Variants in PRMT9 observed in about 807,000 individuals in gnomAD.
The protein encoded by PRMT9 is protein arginine methyltransferase 9, also known as protein arginine N-methyltransferase 9.
Under a neutral mutation model 83.2 loss-of-function variants are expected in PRMT9, and 59 were observed. The ratio of observed to expected loss-of-function variants is 0.71; its 90% CI spans 0.57 to 0.88. The LOEUF (loss-of-function observed/expected upper bound fraction) is 0.88. PRMT9 is among the 40% of genes least tolerant of loss of function. PRMT9 has a pLI of 0.00. For missense variants in PRMT9, 947 were observed against 1,021.9 expected, an observed-to-expected ratio of 0.93 and a Z score of 1.00; for synonymous variants, 333 against 353.2, an observed-to-expected ratio of 0.94 and a Z score of 0.64.
Position 147,673,802 on chromosome 4 carries a change from T to C in PRMT9, c.411A>G (p.Ala137=), listed in dbSNP as rs759936454. The change falls in exon 3 of 12, where the codon GCA becomes GCG. Residue 137 remains alanine, a synonymous_variant. Transcript: ENST00000322396. Reference sequence around the variant, plus strand: ...TTGCAACACGATAAAAATTCTCCTTTGCATCACTGAAATCAGGGTTTAGCT... The same window carrying C: ...TTGCAACACGATAAAAATTCTCCTTCGCATCACTGAAATCAGGGTTTAGCT... ...AVKLNPDFSD[A]KENFYRVANW... is the part of the protein sequence containing the mutation. 5.6e-6 allele frequency: 9 copies of C among 1,614,082 alleles called. No individual in the cohort carries two copies. The highest frequency in any genetic ancestry group is 1.3e-5 in the African/African-American group (1 of 74,936).
At chr4:147,644,634 C>T (rs904098365) in intron 9 of PRMT9, among the ~76,000 whole-genome samples, 4 of 151,642 alleles carry the variant, frequency 2.6e-5, no homozygotes, top group Admixed American at 2.6e-4. Context: ...TGACGGGAAC[C>T]CATACCACAT....
chr4:147,655,699 T>C (rs915047770), intron 8 of PRMT9, among the ~76,000 whole-genome samples: 29 of 152,060 alleles, frequency 1.9e-4, no homozygotes, highest in African/African-American at 6.3e-4. Flanking sequence ...CTCACCATCA[T>C]GCCTGAATTT....
At position 147,660,946 on chromosome 4, in the gene PRMT9, A is replaced by G; in HGVS notation, c.1046T>C (p.Ile349Thr). The G allele has an allele frequency of 6.2e-7, 1 of 1,612,920 alleles. No individual in the cohort carries two copies. The highest frequency in any genetic ancestry group is 1.1e-5 in the South Asian group (1 of 91,060). The change falls in exon 7 of 12, where the codon ATT (isoleucine) becomes ACT (threonine). Residue 349 changes from isoleucine (I) to threonine (T), a missense_variant. Physicochemically the swap from Ile to Thr is moderately conservative, Grantham distance 89 (BLOSUM62 -1). Coordinates refer to ENST00000322396, the MANE Select transcript of PRMT9 (RefSeq NM_138364.4). ...AYSSVDTEETIEPYTTEKMSR... is the reference protein window; with the variant it reads ...AYSSVDTEETTEPYTTEKMSR... ...CATCTTTTCAGTTGTATAAGGTTCAATTGTTTCTTCAGTATCTACAGAAGA... is the reference window on the plus strand; with the variant it reads ...CATCTTTTCAGTTGTATAAGGTTCAGTTGTTTCTTCAGTATCTACAGAAGA...
intron 9 of PRMT9, among the ~76,000 whole-genome samples, chr4:147,651,404 A>T (rs951102317): frequency 6.6e-6 from 1 of 152,220 alleles, no homozygotes; most frequent in South Asian, 2.1e-4. Flanking sequence ...TCAAATTTTA[A>T]AACTTTTGCA....
rs114979197 is a variant in PRMT9 at position 147,666,074 on chromosome 4, C to T, written c.953+2465G>A. The stretch of plus-strand genomic sequence containing the variant: ...AACAGTGTATAAATTTTCCATAAAC[C>T]TATGAGAAAATAAGATATCAAACAA... On this transcript the variant is annotated intron_variant, in intron 6 of 11. Coordinates refer to ENST00000322396, the MANE Select transcript of PRMT9 (RefSeq NM_138364.4). 8.6e-3 allele frequency among the ~76,000 whole-genome samples: 1,307 copies of T among 152,248 alleles called. 20 individuals carry two copies. Among genetic ancestry groups the T allele is most frequent in the African/African-American group, 0.03 (1,247 of 41,548 alleles).
intron 7 of PRMT9, among the ~76,000 whole-genome samples, chr4:147,660,008 C>T (rs1463083653): frequency 6.6e-6 from 1 of 152,192 alleles, no homozygotes. Flanking sequence ...TTGGAACCCC[C>T]TTCAGTCCTG....
At chr4:147,668,199 A>G (rs1735469118) in intron 6 of PRMT9, among the ~76,000 whole-genome samples, 1 of 152,156 alleles carries the variant, frequency 6.6e-6, no homozygotes, top group Admixed American at 6.6e-5. Context: ...TGTAATCCCC[A>G]CAAGTTGAGG....
At chr4:147,648,415 T>C (rs1417405741) in intron 9 of PRMT9, among the ~76,000 whole-genome samples, 3 of 152,218 alleles carry the variant, frequency 2.0e-5, no homozygotes, top group Admixed American at 6.5e-5. Context: ...TGGAGGTTCC[T>C]AGAGGGTGCC....
chr4:147,638,229 C>A lies in PRMT9; in HGVS notation c.*303G>T. 1 of 321,896 alleles carries A rather than the reference C, an allele frequency of 3.1e-6. No individual in the cohort carries two copies. The highest frequency in any genetic ancestry group is 5.8e-6 in the Non-Finnish European group (1 of 171,452). 19.9% of individuals were successfully genotyped at this position (321,896 alleles called of 1,614,324 possible). A position where few individuals can be genotyped will look rare whatever the true frequency, so the allele number is the denominator to read the frequency against. ...AGATGCCTACAAAAGTAAAGTTTTGCTTTACTTACACATGTCAATAACGAT... is the reference window on the plus strand; with the variant it reads ...AGATGCCTACAAAAGTAAAGTTTTGATTTACTTACACATGTCAATAACGAT... On this transcript the variant is annotated 3_prime_UTR_variant, in exon 12 of 12. Transcript: ENST00000322396.
At chr4:147,679,224 G>A (rs1014798323) in intron 2 of PRMT9, among the ~76,000 whole-genome samples, 2 of 152,200 alleles carry the variant, frequency 1.3e-5, no homozygotes, top group African/African-American at 2.4e-5. Context: ...TTGAGCCCAG[G>A]AGTTCCAGAC....
At chr4:147,666,665 T>C (rs543000275) in intron 6 of PRMT9, among the ~76,000 whole-genome samples, 2 of 152,278 alleles carry the variant, frequency 1.3e-5, no homozygotes, top group East Asian at 3.9e-4. Flanking sequence ...AAACATTTGC[T>C]TATTGAGAAG....
Position 147,673,887 on chromosome 4 carries a change from A to T in PRMT9, c.339-13T>A. ...CCTAAAGCCCATTCTAGAGTAAAAA[A>T]TGACAAAAGACAAAATATATTCAAC... is the stretch of plus-strand genomic sequence containing the variant. On this transcript the variant is annotated splice_polypyrimidine_tract_variant and intron_variant, in intron 2 of 11. Transcript: ENST00000322396. The T allele has an allele frequency of 6.3e-7, 1 of 1,594,928 alleles. No homozygotes were observed. The highest frequency in any genetic ancestry group is 8.6e-7 in the Non-Finnish European group (1 of 1,162,588).
chr4:147,678,504 C>A (rs1020618063), intron 2 of PRMT9, among the ~76,000 whole-genome samples: 1 of 152,186 alleles, frequency 6.6e-6, no homozygotes, highest in African/African-American at 2.4e-5. Flanking sequence ...ACATAGCAGG[C>A]CTGACTGCCA....
chr4:147,638,436 C>A lies in PRMT9; in HGVS notation c.*96G>T. ...ATGTCAATTTTAAAAAATATTTGACCATTACAAGGAATTTTTATATACCCC... is the reference window on the plus strand; with the variant it reads ...ATGTCAATTTTAAAAAATATTTGACAATTACAAGGAATTTTTATATACCCC... On this transcript the variant is annotated 3_prime_UTR_variant, in exon 12 of 12. Transcript: ENST00000322396. 1.2e-6 allele frequency: 1 copy of A among 853,828 alleles called. No individual in the cohort carries two copies. Among genetic ancestry groups the A allele is most frequent in the Non-Finnish European group, 2.0e-6 (1 of 507,478 alleles). 52.9% of individuals were successfully genotyped at this position (853,828 alleles called of 1,614,324 possible). A position where few individuals can be genotyped will look rare whatever the true frequency, so the allele number is the denominator to read the frequency against.
intron 8 of PRMT9, 30 bp from the exon 9 acceptor site, chr4:147,654,596 T>C (rs755457525): frequency 2.9e-6 from 4 of 1,391,574 alleles, no homozygotes; most frequent in Non-Finnish European, 4.1e-6. Context: ...AGAAAAAAAA[T>C]ATGGAGTACT....
Position 147,654,117 on chromosome 4 carries a change from G to A in PRMT9, c.1780C>T (p.Leu594=), listed in dbSNP as rs139425779. Residue 594 remains leucine, a synonymous_variant, in exon 9 of 12, where the codon CTG becomes TTG. Coordinates refer to ENST00000322396, the MANE Select transcript of PRMT9 (RefSeq NM_138364.4). ...CCAAGTGTGCCAGCAATAACAGGCA[G>A]AACAGAGAAGCCTTCGGACACATCT... is the stretch of plus-strand genomic sequence containing the variant. ...VLDVSEGFSV[L]PVIAGTLGQV... The A allele has an allele frequency of 6.2e-7, 1 of 1,614,190 alleles. No homozygotes were observed. Among genetic ancestry groups the A allele is most frequent in the Non-Finnish European group, 8.5e-7 (1 of 1,180,026 alleles).
Position 147,657,812 on chromosome 4 carries a change from T to C in PRMT9, c.1310A>G (p.Tyr437Cys). 1 of 1,611,418 alleles carries C rather than the reference T, an allele frequency of 6.2e-7. No homozygotes were observed. Among genetic ancestry groups the C allele is most frequent in the Non-Finnish European group, 8.5e-7 (1 of 1,179,554 alleles). ...SEETCWEQAV[Y>C]PVQDLADYWI... The stretch of plus-strand genomic sequence containing the variant: ...CCTACCTGCAAGGTCCTGTACGGGG[T>C]AGACAGCCTGTTCCCAACATGTTTC... The change falls in exon 8 of 12, where the codon TAC (tyrosine) becomes TGC (cysteine). Residue 437 changes from tyrosine (Y) to cysteine (C), a missense_variant. Transcript: ENST00000322396.
intron 1 of PRMT9, among the ~76,000 whole-genome samples, chr4:147,682,299 C>T (rs948866501): frequency 6.6e-6 from 1 of 152,172 alleles, no homozygotes; most frequent in Non-Finnish European, 1.5e-5. Flanking sequence ...CCTGCCTCAG[C>T]CTCTCGAGTA....
chr4:147,653,810 CAA>C (rs368548509), intron 9 of PRMT9, 40 bp downstream of exon 9: 1 of 1,223,660 alleles, frequency 8.2e-7, no homozygotes, highest in Non-Finnish European at 1.1e-6. Context: ...AATCTGACCT[CAA>C]AAAAAAAACA....
Sources: allele counts gnomAD v4.1 joint callset (sites outside exome capture counted in the v4.1 genomes callset), GRCh38; gene constraint gnomAD v4.1.1; transcripts MANE v1.5; gene names NCBI Gene and HGNC (gene_info 2026-07-23, HGNC 2026-07-21).